Variants in KCNK1 observed in about 807,000 individuals in gnomAD.
KCNK1 encodes potassium channel subfamily K member 1.
A neutral mutation model predicts 22.2 loss-of-function variants in KCNK1; 10 were observed. That is an observed-to-expected ratio of 0.45 (90% CI 0.28 to 0.76). The LOEUF (loss-of-function observed/expected upper bound fraction) is 0.76. Ranked by LOEUF, KCNK1 falls within the 30% of genes least tolerant of loss-of-function variation. The pLI is 0.14. For synonymous variants in KCNK1, 200 were observed against 186.4 expected, an observed-to-expected ratio of 1.07 and a Z score of -0.60; for missense variants, 378 against 421.0, an observed-to-expected ratio of 0.90 and a Z score of 0.89.
At chr1:233,629,069 A>G (rs1430179791) in intron 1 of KCNK1, among the ~76,000 whole-genome samples, 1 of 152,180 alleles carries the variant, frequency 6.6e-6, no homozygotes, top group African/African-American at 2.4e-5. Context: ...TGGAATATTT[A>G]CTGAGTACAT....
At chr1:233,662,236 C>CT (rs1658406625) in intron 1 of KCNK1, among the ~76,000 whole-genome samples, 1 of 95,272 alleles carries the variant, frequency 1.0e-5, no homozygotes. Flanking sequence ...TCTTCTTCTT[C>CT]TCCTTCTTCT....
At chr1:233,651,996 A>T (rs965354553) in intron 1 of KCNK1, among the ~76,000 whole-genome samples, 3 of 152,228 alleles carry the variant, frequency 2.0e-5, no homozygotes, top group Non-Finnish European at 4.4e-5. Context: ...ACCAAAGGTG[A>T]ACAAAGGTGA....
chr1:233,624,985 A>T (rs1657662200), intron 1 of KCNK1, among the ~76,000 whole-genome samples: 1 of 152,118 alleles, frequency 6.6e-6, no homozygotes, highest in Non-Finnish European at 1.5e-5. Context: ...CTTCTCCTTC[A>T]CCCTCTGAAG....
At chr1:233,628,117 G>A (rs1657721604) in intron 1 of KCNK1, among the ~76,000 whole-genome samples, 1 of 152,176 alleles carries the variant, frequency 6.6e-6, no homozygotes, top group Non-Finnish European at 1.5e-5. Flanking sequence ...CAGTGTCCCA[G>A]TCTCTACACA....
At chr1:233,623,271 A>C (rs1183718481) in intron 1 of KCNK1, among the ~76,000 whole-genome samples, 1 of 152,068 alleles carries the variant, frequency 6.6e-6, no homozygotes, top group Non-Finnish European at 1.5e-5. Context: ...GGAGCATACT[A>C]GCATCTGGGA....
At chr1:233,651,894 T>A (rs1658206864) in intron 1 of KCNK1, among the ~76,000 whole-genome samples, 1 of 152,228 alleles carries the variant, frequency 6.6e-6, no homozygotes, top group Admixed American at 6.5e-5. Flanking sequence ...TGGATTACAT[T>A]CACATGAGGT....
At position 233,666,629 on chromosome 1, in the gene KCNK1, T is replaced by C. The variant is rs1354544705; in HGVS notation, c.390T>C (p.Gly130=). 3 of 1,613,048 alleles carry C rather than the reference T, an allele frequency of 1.9e-6. 1 individual carries two copies. The South Asian group carries it at 3.3e-5, about 18-fold the overall frequency. ...ACACCGTGCCCTTGTCAGATGGAGG[T>C]AAGGCCTTCTGCATCATCTACTCCG... ...YGHTVPLSDG[G]KAFCIIYSVI... The change falls in exon 2 of 3, where the codon GGT becomes GGC. Residue 130 remains glycine, a synonymous_variant. Coordinates refer to ENST00000366621, the MANE Select transcript of KCNK1 (RefSeq NM_002245.4).
rs533029186 is a variant in KCNK1 at position 233,662,223 on chromosome 1, G to T, written c.356-4372G>T. Among the ~76,000 whole-genome samples the T allele has an allele frequency of 3.3e-4, 48 of 147,012 alleles. No homozygotes were observed. The Middle Eastern group carries it at 0.014, about 43-fold the overall frequency. On this transcript the variant is annotated intron_variant, in intron 1 of 2. Transcript: ENST00000366621. ...TTCTTCTTTCGTAGCTGCTGCTGCT[G>T]CTTCTTCTTCTTCTCCTTCTTCTTC...
chr1:233,614,962 C>T (rs1228937101), intron 1 of KCNK1, among the ~76,000 whole-genome samples: 1 of 152,226 alleles, frequency 6.6e-6, no homozygotes, highest in Non-Finnish European at 1.5e-5. Context: ...GATGGAAACT[C>T]ACCACCTTCC....
intron 1 of KCNK1, among the ~76,000 whole-genome samples, chr1:233,638,068 A>C (rs960630888): frequency 6.6e-6 from 1 of 151,620 alleles, no homozygotes; most frequent in African/African-American, 2.4e-5. Flanking sequence ...TGTTTATCCA[A>C]AGGGGGCATT....
chr1:233,663,770 T>A (rs1189118802), intron 1 of KCNK1, among the ~76,000 whole-genome samples: 1 of 152,022 alleles, frequency 6.6e-6, no homozygotes, highest in East Asian at 1.9e-4. Flanking sequence ...GTTGTTAATA[T>A]CTCCTAACAC....
intron 2 of KCNK1, among the ~76,000 whole-genome samples, chr1:233,670,392 G>T (rs892438393): frequency 6.6e-6 from 1 of 152,162 alleles, no homozygotes; most frequent in Admixed American, 6.5e-5. Context: ...TTAAATTTTT[G>T]ATTTAGTTTA....
At chr1:233,623,882 C>T (rs1657636103) in intron 1 of KCNK1, among the ~76,000 whole-genome samples, 1 of 152,108 alleles carries the variant, frequency 6.6e-6, no homozygotes, top group African/African-American at 2.4e-5. Context: ...TGAGCCACCG[C>T]ACCTTGCCAA....
intron 2 of KCNK1, among the ~76,000 whole-genome samples, chr1:233,669,473 G>A (rs750542845): frequency 1.2e-4 from 19 of 152,184 alleles, no homozygotes; most frequent in Non-Finnish European, 2.5e-4. Context: ...AGATATATTA[G>A]ATGTGGGCAG....
chr1:233,655,681 A>G (rs1658279092), intron 1 of KCNK1: 1 of 152,530 alleles, frequency 6.6e-6, no homozygotes, highest in Non-Finnish European at 1.5e-5. Context: ...AAGAGACATA[A>G]GAGGGACTCC....
At chr1:233,649,029 G>A (rs1257343817) in intron 1 of KCNK1, among the ~76,000 whole-genome samples, 3 of 152,174 alleles carry the variant, frequency 2.0e-5, no homozygotes, top group African/African-American at 7.2e-5. Context: ...ATCTCACATG[G>A]ATTGAGCCAT....
In KCNK1 at chr1:233,616,791, A is replaced by C. The variant is rs140577745; in HGVS notation, c.355+2265A>C. On this transcript the variant is annotated intron_variant, in intron 1 of 2. Coordinates refer to ENST00000366621, the MANE Select transcript of KCNK1 (RefSeq NM_002245.4). ...ATTTGATGTTTTTTAAAGTCTTCAA[A>C]TTATCATAGGTGCCCTGGCCATGAA... Among the ~76,000 whole-genome samples, 759 of 152,356 alleles carry C rather than the reference A, an allele frequency of 5.0e-3. 5 individuals are homozygous for C. The highest frequency in any genetic ancestry group is 0.016 in the African/African-American group (686 of 41,592).
chr1:233,671,576 A>G lies in KCNK1; in HGVS notation c.*46A>G, dbSNP rs1355744116. On this transcript the variant is annotated 3_prime_UTR_variant, in exon 3 of 3. Coordinates refer to ENST00000366621, the MANE Select transcript of KCNK1 (RefSeq NM_002245.4). Reference sequence around the variant, plus strand: ...TGCTAGAGCACCAGGGTCAGGGTGCAAGGAAGAGGCTTAAGTATGTTCATT... The same window carrying G: ...TGCTAGAGCACCAGGGTCAGGGTGCGAGGAAGAGGCTTAAGTATGTTCATT... The G allele has an allele frequency of 1.9e-6, 3 of 1,607,762 alleles. No homozygotes were observed. Among genetic ancestry groups the G allele is most frequent in the African/African-American group, 2.7e-5 (2 of 74,774 alleles).
chr1:233,617,202 C>T (rs1387084026), intron 1 of KCNK1, among the ~76,000 whole-genome samples: 1 of 152,178 alleles, frequency 6.6e-6, no homozygotes, highest in East Asian at 1.9e-4. Context: ...ATTGTTGTAA[C>T]ACAGGCCCAT....
Sources: allele counts gnomAD v4.1 joint callset (sites outside exome capture counted in the v4.1 genomes callset), GRCh38; gene constraint gnomAD v4.1.1; transcripts MANE v1.5; gene names NCBI Gene and HGNC (gene_info 2026-07-23, HGNC 2026-07-21).